LIN52: variants seen among roughly 807,000 people sequenced by gnomAD.
LIN52 encodes the protein protein lin-52 homolog.
A neutral mutation model predicts 18.5 loss-of-function variants in LIN52; 4 were observed. The ratio of observed to expected loss-of-function variants is 0.22; its 90% CI spans 0.11 to 0.49. The LOEUF (loss-of-function observed/expected upper bound fraction) is 0.49, where lower values mean the gene tolerates loss of function less well. Ranked by LOEUF, LIN52 falls within the 20% of genes least tolerant of loss-of-function variation. The probability of loss-of-function intolerance (pLI) is 0.97; values close to 1 mark genes in which losing one functional copy is unlikely to be tolerated. For synonymous variants in LIN52, 34 were observed against 45.5 expected (o/e 0.75, Z 1.02); for missense variants, 102 against 139.5 (o/e 0.73, Z 1.35).
intron 5 of LIN52, among the ~76,000 whole-genome samples, chr14:74,195,830 C>T (rs1213642614): frequency 6.6e-6 from 1 of 151,992 alleles, no homozygotes. Flanking sequence ...CGCCCTGCAG[C>T]AGAGCAAGGA....
In LIN52 at chr14:74,170,129, G is replaced by C. The variant is rs57596893; in HGVS notation, c.284-28793G>C. Among the ~76,000 whole-genome samples the C allele has an allele frequency of 4.5e-3, 686 of 152,322 alleles. 4 individuals carry two copies. The highest frequency in any genetic ancestry group is 0.015 in the African/African-American group (640 of 41,568). On this transcript the variant is annotated intron_variant, in intron 5 of 5. Coordinates refer to ENST00000555028, the MANE Select transcript of LIN52 (RefSeq NM_001024674.3). ...TGGTGCATTTGAAGACCTGCTAGTT[G>C]TTCCTGTGTAGCAGGAGCATATGGA...
chr14:74,097,507 T>A (rs779013534), intron 3 of LIN52, among the ~76,000 whole-genome samples: 1 of 148,672 alleles, frequency 6.7e-6, no homozygotes, highest in Non-Finnish European at 1.5e-5. Flanking sequence ...CACTGCAACC[T>A]CTGCCTCCCA....
In LIN52 at chr14:74,156,907, C is replaced by T. The variant is rs139979661; in HGVS notation, c.284-42015C>T. 2.4e-3 allele frequency among the ~76,000 whole-genome samples: 366 copies of T among 152,156 alleles called. 2 individuals are homozygous for T. Among genetic ancestry groups the T allele is most frequent in the Middle Eastern group, 0.01 (3 of 294 alleles). On this transcript the variant is annotated intron_variant, in intron 5 of 5. Coordinates refer to ENST00000555028, the MANE Select transcript of LIN52 (RefSeq NM_001024674.3). The stretch of plus-strand genomic sequence containing the variant: ...TGAGAACATGTAGTATTTATCTTTC[C>T]GTGCCTGGCTTATTGCATTTAACTT...
intron 5 of LIN52, among the ~76,000 whole-genome samples, chr14:74,163,219 T>G (rs2061233679): frequency 6.6e-6 from 1 of 152,176 alleles, no homozygotes; most frequent in African/African-American, 2.4e-5. Flanking sequence ...TAGCTGGGAC[T>G]ACAGGTGCAC....
intron 5 of LIN52, among the ~76,000 whole-genome samples, chr14:74,112,313 T>C (rs556117680): frequency 6.6e-6 from 1 of 152,166 alleles, no homozygotes; most frequent in East Asian, 1.9e-4. Flanking sequence ...TGTTTTTTTT[T>C]AAATTTTTTT....
chr14:74,111,902 T>A (rs954057476), intron 5 of LIN52, among the ~76,000 whole-genome samples: 34 of 151,854 alleles, frequency 2.2e-4, no homozygotes, highest in African/African-American at 8.0e-4. Flanking sequence ...TGTTTTGAGA[T>A]GGAGTTTCGC....
chr14:74,138,168 G>T (rs547373194), intron 5 of LIN52, among the ~76,000 whole-genome samples: 3 of 152,300 alleles, frequency 2.0e-5, no homozygotes, highest in African/African-American at 7.2e-5. Flanking sequence ...TTCACACCAT[G>T]CTCCCTTTCT....
At chr14:74,097,731 T>A (rs973946856) in intron 3 of LIN52, 63 bp from the exon 4 acceptor site, 38 of 1,237,226 alleles carry the variant, frequency 3.1e-5, no homozygotes, top group Admixed American at 2.4e-4. Flanking sequence ...ACACTTCTTA[T>A]AAGAATAATA....
intron 1 of LIN52, among the ~76,000 whole-genome samples, chr14:74,090,205 GAC>G (rs1166583786): frequency 6.6e-6 from 1 of 151,934 alleles, no homozygotes; most frequent in Admixed American, 6.6e-5. Context: ...TTTTAGTAGA[GAC>G]AGGGTTTCAC....
intron 5 of LIN52, among the ~76,000 whole-genome samples, chr14:74,176,223 C>T (rs1229290283): frequency 2.0e-5 from 3 of 152,050 alleles, no homozygotes; most frequent in East Asian, 1.9e-4. Context: ...AGTGCAGTGG[C>T]GCAATCTCGG....
At chr14:74,130,278 G>GTGTTTTTTTTTTTTTTTTTTT (rs1566856480) in intron 5 of LIN52, among the ~76,000 whole-genome samples, 64 of 64,816 alleles carry the variant, frequency 9.9e-4, no homozygotes, top group South Asian at 6.1e-3. Context: ...GCATTTTTTG[G>GTGTTTTTTTTTTTTTTTTTTT]TTTTTTTTTT....
chr14:74,196,196 A>T (rs2078911518), intron 5 of LIN52, among the ~76,000 whole-genome samples: 1 of 152,218 alleles, frequency 6.6e-6, no homozygotes. Flanking sequence ...GAGTAGAAAA[A>T]GGGTTGTTAA....
chr14:74,190,389 CTTTTTTTTTT>C (rs68037994), intron 5 of LIN52, among the ~76,000 whole-genome samples: 1 of 106,306 alleles, frequency 9.4e-6, no homozygotes, highest in African/African-American at 3.8e-5. Context: ...GCCTAAATAA[CTTTTTTTTTT>C]TTTTTTTTTT....
At chr14:74,098,705 G>A (rs1251640866) in intron 4 of LIN52, among the ~76,000 whole-genome samples, 1 of 151,804 alleles carries the variant, frequency 6.6e-6, no homozygotes, top group East Asian at 2.0e-4. Context: ...CCCCCACCAC[G>A]TCCAGCTAAT....
At chr14:74,141,970 G>T (rs1164164754) in intron 5 of LIN52, among the ~76,000 whole-genome samples, 1 of 152,204 alleles carries the variant, frequency 6.6e-6, no homozygotes, top group African/African-American at 2.4e-5. Context: ...GGCTAACAAA[G>T]CAAGTTTGTG....
intron 5 of LIN52, among the ~76,000 whole-genome samples, chr14:74,172,423 AG>A (rs1228770127): frequency 1.3e-5 from 2 of 152,194 alleles, no homozygotes; most frequent in Non-Finnish European, 2.9e-5. Context: ...ATCTACTTAT[AG>A]GGGGGTTGTG....
At chr14:74,110,791 C>T (rs1412211824) in intron 5 of LIN52, among the ~76,000 whole-genome samples, 4 of 151,678 alleles carry the variant, frequency 2.6e-5, no homozygotes, top group East Asian at 1.9e-4. Context: ...AGTGAAACCC[C>T]GTCTCTACTA....
chr14:74,111,815 CT>C (rs1306488237), intron 5 of LIN52, among the ~76,000 whole-genome samples: 2 of 151,920 alleles, frequency 1.3e-5, no homozygotes, highest in Non-Finnish European at 2.9e-5. Flanking sequence ...AACAGAAAGA[CT>C]ACCCACATCT....
At chr14:74,116,185 C>A (rs979096973) in intron 5 of LIN52, among the ~76,000 whole-genome samples, 1 of 152,026 alleles carries the variant, frequency 6.6e-6, no homozygotes, top group African/African-American at 2.4e-5. Flanking sequence ...TGCCTGTGGT[C>A]TCAGCTACTG....
Sources: gnomAD v4.1 joint callset for allele counts (sites outside exome capture counted in the v4.1 genomes callset) on GRCh38, gnomAD v4.1.1 for gene constraint, MANE v1.5 for transcripts, NCBI Gene and HGNC (gene_info 2026-07-23, HGNC 2026-07-21) for gene names.